The following ARHGAP26 variants were observed in gnomAD, a reference collection of about 807,000 sequenced individuals.
ARHGAP26 encodes Rho GTPase activating protein 26, also known as rho GTPase-activating protein 26.
Under a neutral mutation model 104.8 loss-of-function variants are expected in ARHGAP26, and 38 were observed. That is an observed-to-expected ratio of 0.36 (90% CI 0.28 to 0.48). The LOEUF (loss-of-function observed/expected upper bound fraction) is 0.48, where lower values mean the gene tolerates loss of function less well. Among genes scored for constraint, ARHGAP26 ranks in the 20% least tolerant of loss-of-function variants. ARHGAP26 has a pLI of 0.99. For synonymous variants in ARHGAP26, 341 were observed against 340.0 expected, an observed-to-expected ratio of 1.00 and a Z score of -0.03; for missense variants, 704 against 947.9, an observed-to-expected ratio of 0.74 and a Z score of 3.38.
intron 10 of ARHGAP26, among the ~76,000 whole-genome samples, chr5:142,925,866 G>A (rs698287): frequency 0.37 from 55,917 of 152,020 alleles, 11,290 homozygotes; most frequent in East Asian, 0.73. Flanking sequence ...TTATGAATGA[G>A]TAAATTCTAG....
intron 1 of ARHGAP26, among the ~76,000 whole-genome samples, chr5:142,775,052 G>T (rs1045035907): frequency 9.2e-5 from 14 of 152,046 alleles, no homozygotes; most frequent in African/African-American, 3.4e-4. Flanking sequence ...TTTGCGTGCA[G>T]TTTATATGTG....
chr5:142,993,598 C>T (rs1038000381), intron 11 of ARHGAP26, among the ~76,000 whole-genome samples: 1 of 151,764 alleles, frequency 6.6e-6, no homozygotes, highest in Non-Finnish European at 1.5e-5. Context: ...AGCCACCATG[C>T]CCAGCCCTAA....
intron 17 of ARHGAP26, among the ~76,000 whole-genome samples, chr5:143,088,690 C>T (rs775147842): frequency 3.3e-5 from 5 of 152,156 alleles, no homozygotes; most frequent in Non-Finnish European, 7.3e-5. Context: ...TAGAAGGCTG[C>T]GACCTTACAG....
intron 12 of ARHGAP26, among the ~76,000 whole-genome samples, chr5:143,034,144 G>C (rs796621188): frequency 6.6e-6 from 1 of 152,118 alleles, no homozygotes; most frequent in Non-Finnish European, 1.5e-5. Flanking sequence ...CGTACATTGC[G>C]GGTAGGAATG....
chr5:142,942,483 A>G (rs1450273043), intron 11 of ARHGAP26, among the ~76,000 whole-genome samples: 1 of 152,334 alleles, frequency 6.6e-6, no homozygotes, highest in Admixed American at 6.5e-5. Flanking sequence ...GTAATGCTAC[A>G]TGGATTTCTG....
At chr5:142,867,290 T>G (rs1023668226) in intron 1 of ARHGAP26, among the ~76,000 whole-genome samples, 26 of 68,744 alleles carry the variant, frequency 3.8e-4, no homozygotes, top group Middle Eastern at 8.9e-3. Context: ...TTGCACAGGG[T>G]GTGTGTGTGT....
At chr5:142,953,071 A>G (rs551894771) in intron 11 of ARHGAP26, among the ~76,000 whole-genome samples, 4 of 152,218 alleles carry the variant, frequency 2.6e-5, no homozygotes, top group African/African-American at 9.6e-5. Flanking sequence ...GATATAACTT[A>G]TAACACCTTG....
intron 11 of ARHGAP26, among the ~76,000 whole-genome samples, chr5:142,961,372 G>T (rs1335388736): frequency 6.6e-6 from 1 of 151,924 alleles, no homozygotes; most frequent in Non-Finnish European, 1.5e-5. Flanking sequence ...TGCACCTGCA[G>T]TTCCAGCTAC....
chr5:143,169,997 A>T (rs1191109143), intron 20 of ARHGAP26: 1 of 152,224 alleles, frequency 6.6e-6, no homozygotes, highest in Non-Finnish European at 1.5e-5. Flanking sequence ...GTTTTTTAAA[A>T]ATGAAGAAAA....
intron 16 of ARHGAP26, among the ~76,000 whole-genome samples, chr5:143,056,628 C>T (rs1785861308): frequency 6.6e-6 from 1 of 152,056 alleles, no homozygotes. Flanking sequence ...TATTAAAATA[C>T]ATAGGGATTA....
At chr5:142,924,101 A>G (rs1763574640) in intron 10 of ARHGAP26, among the ~76,000 whole-genome samples, 1 of 152,032 alleles carries the variant, frequency 6.6e-6, no homozygotes, top group Non-Finnish European at 1.5e-5. Flanking sequence ...TGACCTCGCG[A>G]TCCACCCGCC....
At chr5:143,122,116 A>G (rs534286348) in intron 18 of ARHGAP26, among the ~76,000 whole-genome samples, 340 of 152,274 alleles carry the variant, frequency 2.2e-3, no homozygotes, top group African/African-American at 7.7e-3. Context: ...ACCAGCCACC[A>G]GAATGAGATT....
chr5:143,012,537 T>TTATATATATATGTATATATA (rs752338630), intron 11 of ARHGAP26, among the ~76,000 whole-genome samples: 1 of 17,644 alleles, frequency 5.7e-5, no homozygotes, highest in Non-Finnish European at 1.5e-4. Flanking sequence ...AGGGATATAT[T>TTATATATATATGTATATATA]TATATACATA....
intron 14 of ARHGAP26, among the ~76,000 whole-genome samples, chr5:143,043,293 T>C (rs955689663): frequency 3.9e-5 from 6 of 152,254 alleles, no homozygotes; most frequent in Non-Finnish European, 8.8e-5. Context: ...AATGGAATTA[T>C]ACAATACAGA....
chr5:143,073,644 T>G (rs1788580895), intron 17 of ARHGAP26, among the ~76,000 whole-genome samples: 1 of 152,216 alleles, frequency 6.6e-6, no homozygotes, highest in Non-Finnish European at 1.5e-5. Context: ...GGCCTTCAGT[T>G]TCTTCATCTA....
chr5:143,002,858 T>C (rs970228594), intron 11 of ARHGAP26, among the ~76,000 whole-genome samples: 3 of 152,236 alleles, frequency 2.0e-5, no homozygotes, highest in African/African-American at 7.2e-5. Context: ...GGAAATTGCA[T>C]AACATTGCAG....
intron 9 of ARHGAP26, among the ~76,000 whole-genome samples, chr5:142,912,564 A>G (rs979073643): frequency 6.6e-6 from 1 of 152,198 alleles, no homozygotes; most frequent in Non-Finnish European, 1.5e-5. Flanking sequence ...CCTTAATCAT[A>G]TGTCAGTAAA....
intron 1 of ARHGAP26, among the ~76,000 whole-genome samples, chr5:142,796,091 T>G (rs1189599359): frequency 6.6e-6 from 1 of 150,458 alleles, no homozygotes; most frequent in African/African-American, 2.5e-5. Flanking sequence ...TGTGTGTGTG[T>G]TACGTCTCTC....
intron 20 of ARHGAP26, among the ~76,000 whole-genome samples, chr5:143,180,168 C>T (rs1266211776): frequency 5.3e-5 from 8 of 152,110 alleles, no homozygotes. Flanking sequence ...CTCTGTTGCC[C>T]AGGCTGGAGT....
Sources: gnomAD v4.1 joint callset for allele counts (sites outside exome capture counted in the v4.1 genomes callset) on GRCh38, gnomAD v4.1.1 for gene constraint, MANE v1.5 for transcripts, NCBI Gene and HGNC (gene_info 2026-07-23, HGNC 2026-07-21) for gene names.